The following KCNH8 variants were observed in gnomAD, a reference collection of about 807,000 sequenced individuals.
The protein encoded by KCNH8 is potassium voltage-gated channel subfamily H member 8, also known as voltage-gated delayed rectifier potassium channel KCNH8.
Under a neutral mutation model 103.6 loss-of-function variants are expected in KCNH8, and 70 were observed. The ratio of observed to expected loss-of-function variants is 0.68; its 90% confidence interval spans 0.56 to 0.82. KCNH8 has a LOEUF of 0.82. Among genes scored for constraint, KCNH8 ranks in the 40% least tolerant of loss-of-function variants. The pLI, the probability that KCNH8 is intolerant of heterozygous loss-of-function variation, is 0.00. For missense variants in KCNH8, 1,217 were observed against 1,329.9 expected, an observed-to-expected ratio of 0.92 and a Z score of 1.32; for synonymous variants, 498 against 489.4, an observed-to-expected ratio of 1.02 and a Z score of -0.23.
rs10571316 is a variant in KCNH8, at chr3:19,239,635, AATCTATCTATCT to A, written c.77-13981_77-13970del. On this transcript the variant is annotated intron_variant, in intron 1 of 15. Transcript: ENST00000328405. ...GTAGCTGAGGAAAGTAGAATGATGGAATCTATCTATCTATCTATCTATCTATCTATCTATCTA... is the reference window on the plus strand; with the variant it reads ...GTAGCTGAGGAAAGTAGAATGATGGAATCTATCTATCTATCTATCTATCTA... 9.3e-3 allele frequency among the ~76,000 whole-genome samples: 1,362 copies of A among 145,828 alleles called. 7 individuals are homozygous for A. The highest frequency in any genetic ancestry group is 0.018 in the Admixed American group (262 of 14,638).
At chr3:19,475,244 G>T (rs994200568) in intron 11 of KCNH8, among the ~76,000 whole-genome samples, 2 of 152,166 alleles carry the variant, frequency 1.3e-5, no homozygotes, top group Non-Finnish European at 2.9e-5. Context: ...GTCCTGAAAA[G>T]AGGCTTCATG....
chr3:19,350,917 C>T (rs998440457), intron 5 of KCNH8, among the ~76,000 whole-genome samples: 1 of 151,938 alleles, frequency 6.6e-6, no homozygotes, highest in Non-Finnish European at 1.5e-5. Flanking sequence ...TTCAGACAAT[C>T]GGTAATAACA....
chr3:19,457,050 A>ATTAC, intron 11 of KCNH8, 68 bp downstream of exon 11: 2 of 1,066,824 alleles, frequency 1.9e-6, no homozygotes, highest in Non-Finnish European at 2.8e-6. Flanking sequence ...TGTAACAGTA[A>ATTAC]AGGCAGATGT....
At chr3:19,151,014 CT>C (rs1233777301) in intron 1 of KCNH8, among the ~76,000 whole-genome samples, 14 of 148,914 alleles carry the variant, frequency 9.4e-5, no homozygotes, top group South Asian at 4.3e-4. Context: ...CTTTTCCTTT[CT>C]TTTTTTTTTC....
intron 1 of KCNH8, among the ~76,000 whole-genome samples, chr3:19,252,512 C>G (rs1575470384): frequency 1.3e-5 from 2 of 152,090 alleles, no homozygotes; most frequent in Non-Finnish European, 1.5e-5. Context: ...GTCTCAGCCT[C>G]CTGAGTAGCT....
At chr3:19,373,289 T>G (rs2066132228) in intron 5 of KCNH8, among the ~76,000 whole-genome samples, 3 of 152,206 alleles carry the variant, frequency 2.0e-5, no homozygotes, top group Non-Finnish European at 1.5e-5. Context: ...GAATTTCAGA[T>G]CCTGTTATTG....
At position 19,497,408 on chromosome 3, in the gene KCNH8, G is replaced by A. The variant is rs866770621; in HGVS notation, c.2041-12955G>A. Among the ~76,000 whole-genome samples, 7 of 152,166 alleles carry A rather than the reference G, an allele frequency of 4.6e-5. No individual in the cohort carries two copies. The East Asian group carries it at 5.8e-4, about 13-fold the overall frequency. ...GTGCCATAAACTTCCTCTTAACACCGCCTTAGCTGTGTCCCAAAGATTCTG... is the reference window on the plus strand; with the variant it reads ...GTGCCATAAACTTCCTCTTAACACCACCTTAGCTGTGTCCCAAAGATTCTG... On this transcript the variant is annotated intron_variant, in intron 11 of 15. Coordinates refer to ENST00000328405, the MANE Select transcript of KCNH8 (RefSeq NM_144633.3).
chr3:19,465,456 C>T (rs976321695), intron 11 of KCNH8, among the ~76,000 whole-genome samples: 1 of 152,026 alleles, frequency 6.6e-6, no homozygotes, highest in Non-Finnish European at 1.5e-5. Context: ...TGACAGTATA[C>T]CTTGTTACCC....
intron 1 of KCNH8, among the ~76,000 whole-genome samples, chr3:19,169,792 A>G (rs182968287): frequency 1.6e-4 from 25 of 152,374 alleles, no homozygotes; most frequent in Admixed American, 4.6e-4. Flanking sequence ...ATAAATGGAT[A>G]GCTCCAGCTA....
rs2065152702 is a variant in KCNH8 at position 19,308,053 on chromosome 3, G to A, written c.442+26724G>A. On this transcript the variant is annotated intron_variant, in intron 3 of 15. Transcript: ENST00000328405. ...AATAGCTAGAAAGACGACATTGAAT[G>A]TTCCTAACACAGAAAAATGATAAAT... 2.0e-5 allele frequency among the ~76,000 whole-genome samples: 3 copies of A among 151,906 alleles called. No individual in the cohort carries two copies. The South Asian group carries it at 6.2e-4, about 31-fold the overall frequency.
At chr3:19,333,441 T>C (rs902521153) in intron 3 of KCNH8, among the ~76,000 whole-genome samples, 3 of 152,194 alleles carry the variant, frequency 2.0e-5, no homozygotes, top group Non-Finnish European at 4.4e-5. Context: ...GCTGACCAAA[T>C]GTAGTTGGAT....
At chr3:19,297,198 T>G (rs2065007582) in intron 3 of KCNH8, among the ~76,000 whole-genome samples, 1 of 152,150 alleles carries the variant, frequency 6.6e-6, no homozygotes, top group Non-Finnish European at 1.5e-5. Flanking sequence ...AGGGCAAAGC[T>G]CTTATCACAT....
chr3:19,530,487 ATC>A (rs1002688706), intron 15 of KCNH8, among the ~76,000 whole-genome samples: 19 of 152,302 alleles, frequency 1.2e-4, no homozygotes, highest in African/African-American at 3.4e-4. Flanking sequence ...ATGGAAAAAT[ATC>A]TGTTTATTTT....
chr3:19,368,823 G>T (rs889712298), intron 5 of KCNH8, among the ~76,000 whole-genome samples: 4 of 151,882 alleles, frequency 2.6e-5, no homozygotes, highest in Non-Finnish European at 5.9e-5. Context: ...AGATGGTCTC[G>T]TCAAGAAAAA....
intron 11 of KCNH8, among the ~76,000 whole-genome samples, chr3:19,492,427 AG>A (rs1398295291): frequency 6.6e-6 from 1 of 152,218 alleles, no homozygotes; most frequent in Non-Finnish European, 1.5e-5. Flanking sequence ...TTTATTGAAC[AG>A]GAAGTCCTTT....
chr3:19,490,143 A>G (rs2068287816), intron 11 of KCNH8, among the ~76,000 whole-genome samples: 1 of 152,218 alleles, frequency 6.6e-6, no homozygotes, highest in Non-Finnish European at 1.5e-5. Context: ...CCCCGCAGGG[A>G]TGCTCCACAG....
At chr3:19,238,341 GT>G (rs973520270) in intron 1 of KCNH8, among the ~76,000 whole-genome samples, 2 of 152,162 alleles carry the variant, frequency 1.3e-5, no homozygotes, top group Non-Finnish European at 2.9e-5. Flanking sequence ...TCTCTTCTAT[GT>G]GACAATGCTG....
chr3:19,277,516 C>G (rs1483680349), intron 2 of KCNH8, among the ~76,000 whole-genome samples: 1 of 152,078 alleles, frequency 6.6e-6, no homozygotes, highest in South Asian at 2.1e-4. Flanking sequence ...TGCCACTGCA[C>G]TCCTACCTGT....
intron 11 of KCNH8, among the ~76,000 whole-genome samples, chr3:19,485,197 G>A (rs2068179942): frequency 6.6e-6 from 1 of 152,102 alleles, no homozygotes; most frequent in South Asian, 2.1e-4. Flanking sequence ...CTAGGAATAA[G>A]ATCTCAGAGA....
Sources: gnomAD v4.1 joint callset for allele counts (sites outside exome capture counted in the v4.1 genomes callset) on GRCh38, gnomAD v4.1.1 for gene constraint, MANE v1.5 for transcripts, NCBI Gene and HGNC (gene_info 2026-07-23, HGNC 2026-07-21) for gene names.